The following SMIM31 variants were observed in gnomAD, a reference collection of about 807,000 sequenced individuals.
SMIM31 encodes the protein human epithelial cell program regulator.
chr4:164,754,348 G>A lies in SMIM31; in HGVS notation c.-89G>A, dbSNP rs1286907534. The A allele has an allele frequency of 6.6e-6, 1 of 152,060 alleles. No homozygotes were observed. The highest frequency in any genetic ancestry group is 1.9e-4 in the East Asian group (1 of 5,200). The allele number at this position is 152,060 out of a possible 1,614,324, so 9.4% of individuals were successfully genotyped here. A position where few individuals can be genotyped will look rare whatever the true frequency, so the allele number is the denominator to read the frequency against. ...CAGTCCCGAATCCCAAGACACTGAA[G>A]ACTCTGTTTGAATCAGACTCACGGG... On this transcript the variant is annotated 5_prime_UTR_variant, in exon 1 of 3. Transcript: ENST00000507311.
chr4:164,801,208 G>A lies in SMIM31; in HGVS notation c.*14G>A, dbSNP rs1333090045. The A allele has an allele frequency of 2.0e-5, 8 of 398,764 alleles. No individual in the cohort carries two copies. The East Asian group carries it at 2.5e-4, about 12-fold the overall frequency. The allele number at this position is 398,764 out of a possible 1,614,324, so 24.7% of individuals were successfully genotyped here. On this transcript the variant is annotated 3_prime_UTR_variant, in exon 3 of 3. Coordinates refer to ENST00000507311, the MANE Select transcript of SMIM31 (RefSeq NM_001352885.1). ...GTTGAGCTATGATCTCATAGCCACCGATATTTCTCGCTAAGAAGACAGAGG... is the reference window on the plus strand; with the variant it reads ...GTTGAGCTATGATCTCATAGCCACCAATATTTCTCGCTAAGAAGACAGAGG...
chr4:164,768,683 T>C (rs1732754043), intron 1 of SMIM31, among the ~76,000 whole-genome samples: 1 of 152,154 alleles, frequency 6.6e-6, no homozygotes, highest in African/African-American at 2.4e-5. Flanking sequence ...AATTCATCCT[T>C]CTTTCTCCGA....
At chr4:164,773,734 G>T (rs553306985) in intron 2 of SMIM31, among the ~76,000 whole-genome samples, 1 of 152,168 alleles carries the variant, frequency 6.6e-6, no homozygotes, top group South Asian at 2.1e-4. Flanking sequence ...TCCATGTTTT[G>T]GGGATAATAA....
chr4:164,770,838 C>G (rs889010995), intron 2 of SMIM31, among the ~76,000 whole-genome samples: 3 of 151,994 alleles, frequency 2.0e-5, no homozygotes, highest in Admixed American at 2.0e-4. Flanking sequence ...TCCTCATTGC[C>G]AGTAAAAACA....
intron 1 of SMIM31, among the ~76,000 whole-genome samples, chr4:164,756,084 A>C (rs538861160): frequency 6.6e-6 from 1 of 152,324 alleles, no homozygotes; most frequent in South Asian, 2.1e-4. Context: ...ACTAGAAGTC[A>C]ATATTTGTTT....
chr4:164,775,466 G>A (rs890545852), intron 2 of SMIM31, among the ~76,000 whole-genome samples: 5 of 152,150 alleles, frequency 3.3e-5, no homozygotes, highest in African/African-American at 1.2e-4. Flanking sequence ...TCTCCTGATA[G>A]CAAAACAATC....
intron 1 of SMIM31, among the ~76,000 whole-genome samples, chr4:164,761,847 C>T (rs62352420): frequency 5.9e-5 from 9 of 151,754 alleles, no homozygotes; most frequent in African/African-American, 9.7e-5. Flanking sequence ...TGCTTGAACC[C>T]GGGAAGGGGA....
chr4:164,782,377 ATT>A (rs760284575), intron 2 of SMIM31, among the ~76,000 whole-genome samples: 2 of 98,648 alleles, frequency 2.0e-5, no homozygotes, highest in Admixed American at 9.8e-5. Flanking sequence ...TCTTTCTTTT[ATT>A]TTTTTTTTTT....
intron 1 of SMIM31, among the ~76,000 whole-genome samples, chr4:164,764,091 T>C (rs1051468950): frequency 1.3e-5 from 2 of 152,200 alleles, no homozygotes; most frequent in African/African-American, 4.8e-5. Context: ...GAAAGTGATA[T>C]TAAATAAATT....
intron 2 of SMIM31, among the ~76,000 whole-genome samples, chr4:164,799,348 G>A: frequency 6.6e-6 from 1 of 151,778 alleles, no homozygotes; most frequent in Admixed American, 6.6e-5. Context: ...TCACGCCACT[G>A]CACTCCAGCC....
At chr4:164,781,992 T>G (rs924648660) in intron 2 of SMIM31, among the ~76,000 whole-genome samples, 59 of 152,272 alleles carry the variant, frequency 3.9e-4, no homozygotes, top group African/African-American at 1.3e-3. Context: ...CCTATCTACC[T>G]TAAAAAGTGA....
chr4:164,765,624 G>GAAAA (rs200574845), intron 1 of SMIM31, among the ~76,000 whole-genome samples: 4 of 94,480 alleles, frequency 4.2e-5, no homozygotes, highest in Non-Finnish European at 7.1e-5. Context: ...CTTTGTCTCA[G>GAAAA]AAAAAAAAAA....
At chr4:164,755,546 G>A (rs1183290450) in intron 1 of SMIM31, among the ~76,000 whole-genome samples, 1 of 8,756 alleles carries the variant, frequency 1.1e-4, no homozygotes, top group African/African-American at 3.3e-4. Flanking sequence ...GAGAGGAGGG[G>A]AGGGGAGGGG....
chr4:164,797,945 C>T (rs924178710), intron 2 of SMIM31, among the ~76,000 whole-genome samples: 2 of 152,188 alleles, frequency 1.3e-5, no homozygotes, highest in East Asian at 3.9e-4. Context: ...TTCATTTGTA[C>T]CTATTGATTA....
At chr4:164,798,490 C>A (rs13138910) in intron 2 of SMIM31, among the ~76,000 whole-genome samples, 2 of 151,624 alleles carry the variant, frequency 1.3e-5, no homozygotes, top group Admixed American at 1.3e-4. Context: ...ATCCGCCCAC[C>A]TCGGCCTCCC....
intron 2 of SMIM31, among the ~76,000 whole-genome samples, chr4:164,798,334 C>T (rs572269161): frequency 4.6e-5 from 7 of 151,682 alleles, no homozygotes; most frequent in African/African-American, 9.7e-5. Context: ...CCTGGGTTCA[C>T]GCCATTCTCC....
rs1388389765 is a variant in SMIM31, at chr4:164,780,340, C to T, written c.112+9785C>T. On this transcript the variant is annotated intron_variant, in intron 2 of 2. Transcript: ENST00000507311. ...TACTCGGGAGGCTGAGGCAGGAGAACTGCTTGAACTCGGGAGGTGGAGGTT... is the reference window on the plus strand; with the variant it reads ...TACTCGGGAGGCTGAGGCAGGAGAATTGCTTGAACTCGGGAGGTGGAGGTT... 6.6e-5 allele frequency among the ~76,000 whole-genome samples: 10 copies of T among 152,100 alleles called. No individual in the cohort carries two copies. In the East Asian group the frequency reaches 7.7e-4, roughly 12 times the overall value.
intron 1 of SMIM31, among the ~76,000 whole-genome samples, chr4:164,757,225 G>A (rs1042622324): frequency 2.0e-5 from 3 of 152,124 alleles, no homozygotes; most frequent in Non-Finnish European, 4.4e-5. Context: ...TTTGTGAAAT[G>A]TCCATTCAAA....
chr4:164,792,720 AC>A (rs1466925546), intron 2 of SMIM31, among the ~76,000 whole-genome samples: 3 of 152,224 alleles, frequency 2.0e-5, no homozygotes, highest in Admixed American at 2.0e-4. Context: ...CTACAGATTC[AC>A]CAAAGTTGCT....
Sources: gnomAD v4.1 joint callset for allele counts (sites outside exome capture counted in the v4.1 genomes callset) on GRCh38, gnomAD v4.1.1 for gene constraint, MANE v1.5 for transcripts, NCBI Gene and HGNC (gene_info 2026-07-23, HGNC 2026-07-21) for gene names.